The following BRCA1 variants were observed in gnomAD, a reference collection of about 807,000 sequenced individuals.
BRCA1 encodes the protein breast cancer type 1 susceptibility protein.
In BRCA1, 140 loss-of-function variants were observed where a neutral mutation model predicts 173.7. The ratio of observed to expected loss-of-function variants is 0.81; its 90% CI spans 0.70 to 0.93. BRCA1 has a LOEUF of 0.93. Ranked by LOEUF, BRCA1 falls within the 40% of genes least tolerant of loss-of-function variation. BRCA1 has a pLI of 0.00. For missense variants in BRCA1, 1,983 were observed against 2,172.5 expected (o/e 0.91, Z 1.73); for synonymous variants, 662 against 756.0 (o/e 0.88, Z 2.04).
chr17:43,098,231 A>G (rs1202120560), intron 7 of BRCA1, among the ~76,000 whole-genome samples: 3 of 151,996 alleles, frequency 2.0e-5, no homozygotes, highest in Non-Finnish European at 4.4e-5. Flanking sequence ...AGGTCTTGCT[A>G]TGTTGCCCAG....
At chr17:43,063,750 C>A (rs2051896933) in intron 17 of BRCA1, 124 bp downstream of exon 17, 1 of 760,606 alleles carries the variant, frequency 1.3e-6, no homozygotes. Context: ...TTTAGTATTA[C>A]AATTAAAGAC....
chr17:43,071,249 T>C lies in BRCA1; in HGVS notation c.4676-11A>G, dbSNP rs80358088. 16 of 1,612,654 alleles carry C rather than the reference T, an allele frequency of 9.9e-6. No individual in the cohort carries two copies. Among genetic ancestry groups the C allele is most frequent in the Non-Finnish European group, 1.2e-5 (14 of 1,178,858 alleles). ...GGTAAGGGGTTCCCTCTGAAAGGAA[T>C]GGGAGAAGTTTAATTTACACAACGA... is the stretch of plus-strand genomic sequence containing the variant. On this transcript the variant is annotated splice_polypyrimidine_tract_variant and intron_variant, in intron 14 of 22. Transcript: ENST00000357654.
At chr17:43,106,059 C>T (rs2054745158) in intron 4 of BRCA1, among the ~76,000 whole-genome samples, 2 of 147,952 alleles carry the variant, frequency 1.4e-5, no homozygotes, top group South Asian at 4.2e-4. Flanking sequence ...ACAGAGGCTA[C>T]AGTGAGCCGA....
At chr17:43,104,578 T>C (rs1045783391) in intron 5 of BRCA1, among the ~76,000 whole-genome samples, 1 of 152,180 alleles carries the variant, frequency 6.6e-6, no homozygotes, top group African/African-American at 2.4e-5. Flanking sequence ...ACTATTATTT[T>C]CTGTATCACT....
At position 43,093,479 on chromosome 17, in the gene BRCA1, T is replaced by C. The variant is rs2053836204; in HGVS notation, c.2052A>G (p.Pro684=). ...CATGTCTTTTACTTGTCTGTTCATT[T>C]GGCTTGTTACTCTTCTTGGCTCCAG... is the stretch of plus-strand genomic sequence containing the variant. ...PATGAKKSNK[P]NEQTSKRHDS... Residue 684 remains proline (P), a synonymous_variant, in exon 10 of 23, where the codon CCA becomes CCG. Coordinates refer to ENST00000357654, the MANE Select transcript of BRCA1 (RefSeq NM_007294.4). The C allele has an allele frequency of 6.2e-7, 1 of 1,614,030 alleles. No individual in the cohort carries two copies. Among genetic ancestry groups the C allele is most frequent in the South Asian group, 1.1e-5 (1 of 91,088 alleles).
At chr17:43,104,790 A>T (rs2054664846) in intron 5 of BRCA1, 78 bp downstream of exon 5, 1 of 1,287,526 alleles carries the variant, frequency 7.8e-7, no homozygotes, top group South Asian at 1.2e-5. Flanking sequence ...TCACCACGTC[A>T]TAGAAAGTAA....
intron 1 of BRCA1, among the ~76,000 whole-genome samples, chr17:43,149,383 A>T (rs895046909): frequency 2.6e-5 from 4 of 151,118 alleles, no homozygotes; most frequent in African/African-American, 9.7e-5. Flanking sequence ...TACAGGTGTG[A>T]GCCACCATGC....
intron 1 of BRCA1, among the ~76,000 whole-genome samples, chr17:43,151,533 G>A (rs1272518683): frequency 6.6e-6 from 1 of 152,158 alleles, no homozygotes; most frequent in Non-Finnish European, 1.5e-5. Flanking sequence ...TTTTCAGTGT[G>A]TTCCAGAAAT....
chr17:43,091,250 G>T, intron 10 of BRCA1, 185 bp downstream of exon 10: 1 of 875,414 alleles, frequency 1.1e-6, no homozygotes, highest in Non-Finnish European at 1.8e-6. Flanking sequence ...AGTCAAAGAT[G>T]ACGTCCTAGC....
intron 1 of BRCA1, chr17:43,144,691 A>G (rs1334621474): frequency 1.0e-5 from 2 of 192,148 alleles, no homozygotes; most frequent in Non-Finnish European, 1.1e-5. Flanking sequence ...CATGGCTAGA[A>G]TTAGTTATAT....
chr17:43,050,176 G>A (rs2051145930), intron 20 of BRCA1: 1 of 398,580 alleles, frequency 2.5e-6, no homozygotes, highest in Non-Finnish European at 4.4e-6. Flanking sequence ...AGGAGGCAAA[G>A]GTGGGTAGCT....
chr17:43,149,815 G>A (rs1040556330), intron 1 of BRCA1, among the ~76,000 whole-genome samples: 2 of 151,996 alleles, frequency 1.3e-5, no homozygotes, highest in Non-Finnish European at 2.9e-5. Context: ...TTGAGACGGA[G>A]TCTTGCTCTG....
intron 2 of BRCA1, among the ~76,000 whole-genome samples, chr17:43,117,516 G>A (rs2055350691): frequency 6.6e-6 from 1 of 152,072 alleles, no homozygotes; most frequent in Non-Finnish European, 1.5e-5. Context: ...CGAGGCGGGC[G>A]GATCATGAGG....
chr17:43,068,290 A>G (rs1336771408), intron 15 of BRCA1, among the ~76,000 whole-genome samples: 2 of 151,932 alleles, frequency 1.3e-5, no homozygotes, highest in Non-Finnish European at 2.9e-5. Flanking sequence ...AAAAAAAAAA[A>G]GATACCTGAA....
intron 1 of BRCA1, chr17:43,163,523 C>T (rs1435843877): frequency 6.6e-6 from 1 of 152,212 alleles, no homozygotes; most frequent in Non-Finnish European, 1.5e-5. Context: ...CTTCGTGGGA[C>T]TCCAATTGCA....
intron 1 of BRCA1, among the ~76,000 whole-genome samples, chr17:43,149,330 G>T (rs1256137901): frequency 6.6e-6 from 1 of 151,100 alleles, no homozygotes; most frequent in South Asian, 2.1e-4. Flanking sequence ...TTAGCGGGTG[G>T]ACCTTGTGAT....
At chr17:43,137,333 G>C (rs893164858) in intron 1 of BRCA1, among the ~76,000 whole-genome samples, 1 of 150,542 alleles carries the variant, frequency 6.6e-6, no homozygotes, top group African/African-American at 2.5e-5. Context: ...TGTAAATGAC[G>C]AGTTAACAGG....
At position 43,092,725 on chromosome 17, in the gene BRCA1, C is replaced by CT. The variant is rs397509012; in HGVS notation, c.2805dup (p.Asp936ArgfsTer2). 6.2e-7 allele frequency: 1 copy of CT among 1,614,128 alleles called. No homozygotes were observed. Among genetic ancestry groups the CT allele is most frequent in the Non-Finnish European group, 8.5e-7 (1 of 1,180,002 alleles). The stretch of plus-strand genomic sequence containing the variant: ...CATTTGGCATTATCAACTGGCTTAT[C>CT]TTTCTGACCAACCACAGGAAAGCCT... On this transcript the variant is annotated frameshift_variant, in exon 10 of 23. Transcript: ENST00000357654. LOFTEE classifies it high-confidence loss of function.
Position 43,044,804 on chromosome 17 carries a change from CTTTTTTT to C in BRCA1, c.*867_*873del, listed in dbSNP as rs59541324. 2.5e-4 allele frequency: 94 copies of C among 381,330 alleles called. No individual in the cohort carries two copies. Among genetic ancestry groups the C allele is most frequent in the South Asian group, 3.5e-4 (18 of 51,784 alleles). 23.6% of individuals were successfully genotyped at this position (381,330 alleles called of 1,614,324 possible). On this transcript the variant is annotated 3_prime_UTR_variant, in exon 23 of 23. Coordinates refer to ENST00000357654, the MANE Select transcript of BRCA1 (RefSeq NM_007294.4). ...AGAAATCTCTTCTAGTTTCATTTTC[CTTTTTTT>C]TTTTTTTTTTTTGAGCCACAGTCTC...
Sources: allele counts gnomAD v4.1 joint callset (sites outside exome capture counted in the v4.1 genomes callset), GRCh38; gene constraint gnomAD v4.1.1; transcripts MANE v1.5; gene names NCBI Gene and HGNC (gene_info 2026-07-23, HGNC 2026-07-21).